The following DLGAP1 variants were observed in gnomAD, a reference collection of about 807,000 sequenced individuals.
The protein encoded by DLGAP1 is disks large-associated protein 1.
A neutral mutation model predicts 90.8 loss-of-function variants in DLGAP1; 11 were observed. The observed-to-expected ratio is 0.12, with a 90% CI of 0.08 to 0.20. The LOEUF is 0.20. Ranked by LOEUF, DLGAP1 falls within the 10% of genes least tolerant of loss-of-function variation. The pLI is 1.00. For synonymous variants in DLGAP1, 558 were observed against 540.7 expected (o/e 1.03, Z -0.44); for missense variants, 1,050 against 1,333.8 (o/e 0.79, Z 3.31).
chr18:4,080,146 A>G (rs2075584743), intron 2 of DLGAP1, among the ~76,000 whole-genome samples: 1 of 152,182 alleles, frequency 6.6e-6, no homozygotes, highest in Admixed American at 6.5e-5. Flanking sequence ...CAACAGATTC[A>G]GAGTTCTTTA....
rs2077146898 is a variant in DLGAP1 at position 4,178,203 on chromosome 18, AC to A, written c.-266-26917del. ...AGAAATCCTACGGGTCCTGGAATAA[AC>A]ACACACACACACACACACACACACA... On this transcript the variant is annotated intron_variant, in intron 1 of 12. Coordinates refer to ENST00000315677, the MANE Select transcript of DLGAP1 (RefSeq NM_004746.4). Among the ~76,000 whole-genome samples the A allele has an allele frequency of 2.4e-4, 3 of 12,756 alleles. No individual in the cohort carries two copies. In the African/African-American group the frequency reaches 2.7e-3, roughly 11 times the overall value. 8.4% of individuals were successfully genotyped at this position (12,756 alleles called of 152,430 possible). A position where few individuals can be genotyped will look rare whatever the true frequency, so the allele number is the denominator to read the frequency against.
chr18:4,399,712 T>G (rs529971812), intron 1 of DLGAP1, among the ~76,000 whole-genome samples: 40 of 152,214 alleles, frequency 2.6e-4, no homozygotes, highest in Non-Finnish European at 4.7e-4. Context: ...GAGGCTGGCT[T>G]TCTCCAGAGA....
chr18:3,901,380 G>A (rs1488329813), intron 3 of DLGAP1, among the ~76,000 whole-genome samples: 1 of 151,962 alleles, frequency 6.6e-6, no homozygotes, highest in Non-Finnish European at 1.5e-5. Context: ...TCCCACTGTG[G>A]GGTGACCACG....
intron 1 of DLGAP1, among the ~76,000 whole-genome samples, chr18:4,387,698 T>C (rs9965660): frequency 0.042 from 6,438 of 152,200 alleles, 427 homozygotes; most frequent in African/African-American, 0.15. Context: ...TTTGGGAGGC[T>C]GAGGCGGGCA....
intron 1 of DLGAP1, among the ~76,000 whole-genome samples, chr18:4,450,490 G>A (rs548461605): frequency 6.6e-6 from 1 of 152,130 alleles, no homozygotes; most frequent in South Asian, 2.1e-4. Flanking sequence ...CCCACAAGCC[G>A]CCTGAGGGAG....
chr18:4,092,932 C>T (rs1281859373), intron 2 of DLGAP1, among the ~76,000 whole-genome samples: 1 of 152,146 alleles, frequency 6.6e-6, no homozygotes, highest in Non-Finnish European at 1.5e-5. Flanking sequence ...CTGATTTCTT[C>T]TTTTAACTGT....
chr18:4,250,933 C>T (rs1446725914), intron 1 of DLGAP1, among the ~76,000 whole-genome samples: 1 of 151,738 alleles, frequency 6.6e-6, no homozygotes, highest in African/African-American at 2.4e-5. Flanking sequence ...AAAAAAAACC[C>T]CACAAAAAAC....
intron 1 of DLGAP1, among the ~76,000 whole-genome samples, chr18:4,355,247 TCCATA>T (rs2081484049): frequency 6.6e-6 from 1 of 152,192 alleles, no homozygotes; most frequent in Non-Finnish European, 1.5e-5. Context: ...AACAGGTCCA[TCCATA>T]CCATGGACTA....
intron 5 of DLGAP1, among the ~76,000 whole-genome samples, chr18:3,760,062 C>T (rs756107873): frequency 2.0e-5 from 3 of 152,178 alleles, no homozygotes; most frequent in African/African-American, 4.8e-5. Context: ...GTGGGCTTCC[C>T]GAGGGCAGTG....
Position 3,729,400 on chromosome 18 carries a change from A to C in DLGAP1, c.1351-25T>G. On this transcript the variant is annotated intron_variant, in intron 6 of 12. Coordinates refer to ENST00000315677, the MANE Select transcript of DLGAP1 (RefSeq NM_004746.4). The surrounding 1 kb of genome is among the most constrained non-coding windows in gnomAD (Gnocchi z 6.2). The stretch of plus-strand genomic sequence containing the variant: ...CCTGCGGGCAGACACAGGCGTTGTG[A>C]CACTCGCCTCCACCTGGTGGAGGAT... 9 of 1,596,568 alleles carry C rather than the reference A, an allele frequency of 5.6e-6. No homozygotes were observed. Among genetic ancestry groups the C allele is most frequent in the Non-Finnish European group, 6.9e-6 (8 of 1,167,162 alleles).
intron 2 of DLGAP1, among the ~76,000 whole-genome samples, chr18:4,072,703 C>G (rs1319936345): frequency 6.6e-6 from 1 of 152,148 alleles, no homozygotes; most frequent in Non-Finnish European, 1.5e-5. Flanking sequence ...CTCCTGACCT[C>G]AAGTGATCCA....
Position 3,517,062 on chromosome 18 carries a change from C to T in DLGAP1, c.2480-8401G>A, listed in dbSNP as rs1282660335. ...GTCTCAACAGTAGGCTTAAAGTGTA[C>T]AGTAAACCATGCTGTGAATAGAGAT... On this transcript the variant is annotated intron_variant, in intron 10 of 12. Transcript: ENST00000315677. This position sits in a 1 kb window ranked among gnomAD's most constrained non-coding sequence, Gnocchi z 4.1. 6.6e-6 allele frequency among the ~76,000 whole-genome samples: 1 copy of T among 152,172 alleles called. No homozygotes were observed. The highest frequency in any genetic ancestry group is 2.4e-5 in the African/African-American group (1 of 41,424).
At chr18:4,427,498 G>A (rs549388416) in intron 1 of DLGAP1, among the ~76,000 whole-genome samples, 7 of 152,308 alleles carry the variant, frequency 4.6e-5, no homozygotes, top group Admixed American at 4.6e-4. Flanking sequence ...GATTGGAAGA[G>A]CTTGTTCTTC....
At chr18:3,586,098 T>G (rs976636840) in intron 7 of DLGAP1, among the ~76,000 whole-genome samples, 2 of 152,172 alleles carry the variant, frequency 1.3e-5, no homozygotes, top group African/African-American at 4.8e-5. Flanking sequence ...GTTCCAGTAA[T>G]GCTTGACATC....
At chr18:3,916,286 C>T (rs1159185337) in intron 3 of DLGAP1, among the ~76,000 whole-genome samples, 3 of 152,160 alleles carry the variant, frequency 2.0e-5, no homozygotes, top group South Asian at 2.1e-4. Flanking sequence ...AGCATATGGA[C>T]GGCTTGGGCT....
At chr18:3,646,374 G>A (rs1274045218) in intron 7 of DLGAP1, among the ~76,000 whole-genome samples, 6 of 151,896 alleles carry the variant, frequency 4.0e-5, no homozygotes, top group Non-Finnish European at 8.8e-5. Context: ...GCCTGGGCAA[G>A]ATCCTGTTTC....
chr18:4,202,954 A>C (rs2077635398), intron 1 of DLGAP1, among the ~76,000 whole-genome samples: 1 of 152,184 alleles, frequency 6.6e-6, no homozygotes, highest in Non-Finnish European at 1.5e-5. Flanking sequence ...TTTCTCTCTG[A>C]ATTAGTCCTT....
intron 1 of DLGAP1, among the ~76,000 whole-genome samples, chr18:4,420,552 T>C (rs911556807): frequency 2.0e-5 from 3 of 151,652 alleles, no homozygotes; most frequent in African/African-American, 4.8e-5. Flanking sequence ...AATGGGTCCC[T>C]GAGCATTGGG....
intron 4 of DLGAP1, among the ~76,000 whole-genome samples, chr18:3,819,619 C>T (rs1426754601): frequency 3.9e-5 from 6 of 152,114 alleles, no homozygotes; most frequent in African/African-American, 1.4e-4. Flanking sequence ...ATCCTTACAA[C>T]TATCATGAAG....
Sources: gnomAD v4.1 joint callset for allele counts (sites outside exome capture counted in the v4.1 genomes callset) on GRCh38, gnomAD v4.1.1 for gene constraint, Gnocchi (gnomAD v3.1) non-coding constraint, MANE v1.5 for transcripts, NCBI Gene and HGNC (gene_info 2026-07-23, HGNC 2026-07-21) for gene names.